Variants in GLDC observed in about 807,000 individuals in gnomAD.
GLDC encodes the protein glycine dehydrogenase (decarboxylating), mitochondrial.
Under a neutral mutation model 121.3 loss-of-function variants are expected in GLDC, and 104 were observed. That is an observed-to-expected ratio of 0.86 (90% confidence interval 0.73 to 1.01). The LOEUF is 1.01. Ranked by LOEUF, GLDC falls within the 50% of genes least tolerant of loss-of-function variation. The pLI is 0.00. For missense variants in GLDC, 1,429 were observed against 1,306.6 expected, an observed-to-expected ratio of 1.09 and a Z score of -1.44; for synonymous variants, 546 against 480.6, an observed-to-expected ratio of 1.14 and a Z score of -1.78.
At chr9:6,585,899 C>CTATCTATCTAT (rs1170236539) in intron 15 of GLDC, among the ~76,000 whole-genome samples, 12,613 of 94,038 alleles carry the variant, frequency 0.13, 728 homozygotes, top group Middle Eastern at 0.17. Context: ...TATCATCTGT[C>CTATCTATCTAT]CATCGGTCCA....
chr9:6,538,475 C>T (rs1312430859), intron 22 of GLDC, among the ~76,000 whole-genome samples: 1 of 152,182 alleles, frequency 6.6e-6, no homozygotes, highest in Non-Finnish European at 1.5e-5. Context: ...AGCGGTTATG[C>T]TTTAAGACCT....
chr9:6,606,995 C>G (rs1036454954), intron 4 of GLDC, among the ~76,000 whole-genome samples: 1 of 151,602 alleles, frequency 6.6e-6, no homozygotes, highest in African/African-American at 2.4e-5. Context: ...CCAGGGAGGC[C>G]GAGGTTGCAG....
At chr9:6,643,182 G>C (rs1289199396) in intron 2 of GLDC, among the ~76,000 whole-genome samples, 1 of 152,008 alleles carries the variant, frequency 6.6e-6, no homozygotes, top group African/African-American at 2.4e-5. Context: ...ATAGGCATTT[G>C]CCACCGTGCC....
At chr9:6,540,659 T>C (rs1450509368) in intron 21 of GLDC, 1 of 160,162 alleles carries the variant, frequency 6.2e-6, no homozygotes, top group Admixed American at 5.9e-5. Context: ...GAATTTTATG[T>C]TTCTTTGAAG....
chr9:6,587,359 C>G, intron 14 of GLDC, 76 bp from the exon 15 acceptor site: 1 of 1,127,854 alleles, frequency 8.9e-7, no homozygotes, highest in Non-Finnish European at 1.3e-6. Flanking sequence ...ATAATAATGA[C>G]GATGATGAGA....
intron 15 of GLDC, among the ~76,000 whole-genome samples, chr9:6,585,903 C>T (rs1818262094): frequency 2.6e-5 from 1 of 38,488 alleles, no homozygotes; most frequent in Admixed American, 2.9e-4. Flanking sequence ...ATCTGTCCAT[C>T]GGTCCATCTG....
At chr9:6,574,096 C>CA (rs931209284) in intron 15 of GLDC, among the ~76,000 whole-genome samples, 14 of 152,108 alleles carry the variant, frequency 9.2e-5, no homozygotes, top group Non-Finnish European at 1.6e-4. Context: ...GCTATCTAGT[C>CA]AAAAAACGTA....
chr9:6,556,450 TA>T (rs1031012073), intron 17 of GLDC, 148 bp from the exon 18 acceptor site: 23 of 640,620 alleles, frequency 3.6e-5, no homozygotes, highest in Admixed American at 5.1e-5. Context: ...ATGACAGCAA[TA>T]AAAAAAAACC....
At chr9:6,636,181 G>A (rs888142752) in intron 2 of GLDC, among the ~76,000 whole-genome samples, 1 of 152,096 alleles carries the variant, frequency 6.6e-6, no homozygotes, top group Non-Finnish European at 1.5e-5. Flanking sequence ...GTTCATGCCT[G>A]TAGTCTCGCC....
intron 2 of GLDC, among the ~76,000 whole-genome samples, chr9:6,629,165 C>G (rs571472533): frequency 6.6e-6 from 1 of 152,038 alleles, no homozygotes; most frequent in Non-Finnish European, 1.5e-5. Flanking sequence ...GCACTAACCA[C>G]TGCATCAAAT....
intron 15 of GLDC, chr9:6,565,672 C>A (rs184585615): frequency 9.8e-6 from 6 of 610,800 alleles, no homozygotes; most frequent in Middle Eastern, 4.3e-4. Flanking sequence ...AAAGATGGAG[C>A]TTTCTATATC....
intron 2 of GLDC, among the ~76,000 whole-genome samples, chr9:6,632,822 A>C (rs1001021207): frequency 1.3e-5 from 2 of 152,170 alleles, no homozygotes; most frequent in Non-Finnish European, 2.9e-5. Flanking sequence ...GGCTGAACTC[A>C]GTCACCACAT....
chr9:6,559,767 A>T (rs1356865481), intron 16 of GLDC, among the ~76,000 whole-genome samples: 1 of 151,956 alleles, frequency 6.6e-6, no homozygotes, highest in Non-Finnish European at 1.5e-5. Context: ...GCGAGCCGAG[A>T]TCGCGCCATT....
intron 22 of GLDC, among the ~76,000 whole-genome samples, chr9:6,539,243 C>T (rs1046369905): frequency 3.3e-5 from 5 of 151,956 alleles, no homozygotes; most frequent in African/African-American, 4.8e-5. Context: ...TTTCGGAGGC[C>T]GAGGTGGGTG....
chr9:6,569,840 G>C (rs1284423975), intron 15 of GLDC, among the ~76,000 whole-genome samples: 1 of 152,068 alleles, frequency 6.6e-6, no homozygotes, highest in Non-Finnish European at 1.5e-5. Flanking sequence ...GCCAGGTGTG[G>C]TGGTGTGCAT....
At position 6,592,170 on chromosome 9, in the gene GLDC, C is replaced by A. The variant is rs1406438579; in HGVS notation, c.1455G>T (p.Leu485Phe). The change falls in exon 11 of 25, where the codon TTG (leucine) becomes TTT (phenylalanine). Residue 485 changes from leucine to phenylalanine, a missense_variant. By Grantham distance (22) the Leu-to-Phe change is conservative. Coordinates refer to ENST00000321612, the MANE Select transcript of GLDC (RefSeq NM_000170.3). ...CAGATGACTCACAACCAAAGATCCACAACAAATCGTCCAGATCTTTTTCAT... is the reference window on the plus strand; with the variant it reads ...CAGATGACTCACAACCAAAGATCCAAAACAAATCGTCCAGATCTTTTTCAT... Reference protein sequence around the residue: ...TVNEKDLDDLLWIFGCESSAE... With the variant: ...TVNEKDLDDLFWIFGCESSAE... 5 of 1,606,662 alleles carry A rather than the reference C, an allele frequency of 3.1e-6. No homozygotes were observed. The highest frequency in any genetic ancestry group is 1.7e-5 in the Admixed American group (1 of 59,994).
chr9:6,538,166 C>G (rs932185923), intron 22 of GLDC, among the ~76,000 whole-genome samples: 18 of 151,654 alleles, frequency 1.2e-4, no homozygotes, highest in African/African-American at 4.4e-4. Flanking sequence ...GCCCTTAATT[C>G]CATGTGTGAG....
intron 2 of GLDC, among the ~76,000 whole-genome samples, chr9:6,637,826 A>T (rs532686967): frequency 6.6e-6 from 1 of 151,546 alleles, no homozygotes; most frequent in South Asian, 2.1e-4. Context: ...ACTGATCATA[A>T]TTTATTTTAG....
At chr9:6,581,064 C>T (rs1387416223) in intron 15 of GLDC, among the ~76,000 whole-genome samples, 3 of 152,196 alleles carry the variant, frequency 2.0e-5, no homozygotes, top group African/African-American at 7.2e-5. Flanking sequence ...CAGGCACGTT[C>T]TTGGTTGAAA....
Sources: gnomAD v4.1 joint callset for allele counts (sites outside exome capture counted in the v4.1 genomes callset) on GRCh38, gnomAD v4.1.1 for gene constraint, MANE v1.5 for transcripts, NCBI Gene and HGNC (gene_info 2026-07-23, HGNC 2026-07-21) for gene names.